USH2A: variants seen among roughly 807,000 people sequenced by gnomAD.
The protein encoded by USH2A is usherin.
A neutral mutation model predicts 538.9 loss-of-function variants in USH2A; 443 were observed. The observed-to-expected ratio is 0.82, with a 90% CI of 0.76 to 0.89. USH2A has a LOEUF of 0.89. USH2A is among the 40% of genes least tolerant of loss of function. USH2A has a pLI of 0.00. For missense variants in USH2A, 6,633 were observed against 6,324.8 expected, an observed-to-expected ratio of 1.05 and a Z score of -1.65; for synonymous variants, 2,413 against 2,273.5, an observed-to-expected ratio of 1.06 and a Z score of -1.75.
intron 4 of USH2A, among the ~76,000 whole-genome samples, chr1:216,343,959 G>A (rs553978633): frequency 8.8e-4 from 133 of 151,542 alleles, no homozygotes; most frequent in Non-Finnish European, 1.2e-3. Flanking sequence ...TGCTCTACAC[G>A]GAGTAGCCAT....
At chr1:215,925,666 T>C (rs1666221951) in intron 38 of USH2A, among the ~76,000 whole-genome samples, 1 of 152,090 alleles carries the variant, frequency 6.6e-6, no homozygotes. Context: ...GAATATACCA[T>C]CTTAGCCTAT....
chr1:216,118,316 C>A (rs959397711), intron 21 of USH2A, among the ~76,000 whole-genome samples: 10 of 152,242 alleles, frequency 6.6e-5, no homozygotes, highest in South Asian at 4.1e-4. Flanking sequence ...TATTTTAGCA[C>A]TATTTTTACC....
At chr1:216,118,706 G>T (rs959920609) in intron 21 of USH2A, among the ~76,000 whole-genome samples, 1 of 152,216 alleles carries the variant, frequency 6.6e-6, no homozygotes, top group South Asian at 2.1e-4. Context: ...ACTTTCCCAA[G>T]ATCTAGGCTC....
chr1:215,655,846 C>T (rs1229330512), intron 64 of USH2A, among the ~76,000 whole-genome samples: 1 of 151,496 alleles, frequency 6.6e-6, no homozygotes, highest in African/African-American at 2.4e-5. Flanking sequence ...AGTGATTCCC[C>T]TGCCTTAGCC....
At chr1:216,006,680 T>C (rs1668400140) in intron 32 of USH2A, among the ~76,000 whole-genome samples, 1 of 152,192 alleles carries the variant, frequency 6.6e-6, no homozygotes, top group Non-Finnish European at 1.5e-5. Flanking sequence ...TGATTTGTTT[T>C]TCCTTCTTCT....
intron 21 of USH2A, among the ~76,000 whole-genome samples, chr1:216,131,248 A>T (rs301735): frequency 0.74 from 112,957 of 151,740 alleles, 42,488 homozygotes; most frequent in Non-Finnish European, 0.8. Context: ...ATTTTATCCC[A>T]CTCTGTGGGT....
chr1:215,672,719 C>T (rs1268460355), intron 63 of USH2A, among the ~76,000 whole-genome samples: 2 of 152,094 alleles, frequency 1.3e-5, no homozygotes, highest in African/African-American at 4.8e-5. Context: ...AACATTAATC[C>T]ACTAAAAACA....
chr1:215,855,570 C>A (rs1273764908), intron 44 of USH2A, among the ~76,000 whole-genome samples: 1 of 152,060 alleles, frequency 6.6e-6, no homozygotes, highest in Non-Finnish European at 1.5e-5. Context: ...GATCATACTG[C>A]CAAAAGCAAT....
chr1:216,296,180 C>T (rs897189881), intron 9 of USH2A, among the ~76,000 whole-genome samples: 1 of 152,146 alleles, frequency 6.6e-6, no homozygotes, highest in East Asian at 1.9e-4. Flanking sequence ...CATTAGGTCA[C>T]ACTGTTTATA....
At chr1:215,967,088 G>T (rs1667364644) in intron 36 of USH2A, among the ~76,000 whole-genome samples, 1 of 152,164 alleles carries the variant, frequency 6.6e-6, no homozygotes, top group African/African-American at 2.4e-5. Context: ...GCTTGGCTTT[G>T]GCCTGGGAAC....
At chr1:215,693,731 G>A (rs1346303945) in intron 61 of USH2A, among the ~76,000 whole-genome samples, 2 of 152,172 alleles carry the variant, frequency 1.3e-5, no homozygotes, top group Non-Finnish European at 2.9e-5. Flanking sequence ...ACATCATGGA[G>A]CCTCTGGAAA....
intron 40 of USH2A, among the ~76,000 whole-genome samples, chr1:215,895,335 C>T (rs138765405): frequency 2.6e-5 from 4 of 152,180 alleles, no homozygotes; most frequent in African/African-American, 7.2e-5. Flanking sequence ...GGTCTTGAGA[C>T]GTTACAATTC....
At chr1:215,988,513 T>A (rs974946602) in intron 35 of USH2A, among the ~76,000 whole-genome samples, 1 of 152,198 alleles carries the variant, frequency 6.6e-6, no homozygotes, top group Non-Finnish European at 1.5e-5. Context: ...TTCTTTTGGA[T>A]ATATTTCAAG....
intron 47 of USH2A, among the ~76,000 whole-genome samples, chr1:215,834,645 C>T (rs1368176887): frequency 2.0e-5 from 3 of 152,126 alleles, no homozygotes; most frequent in African/African-American, 7.2e-5. Flanking sequence ...GCTTTTTAAA[C>T]ATGGTACTCT....
rs769073555 is a variant in USH2A, at chr1:215,728,093, G to T, written c.12003C>A (p.Val4001=). ...PNGIISHYRV[V]YQERPDDPTF... ...TAGGATCGTCGGGTCTCTCCTGGTA[G>T]ACCACACGGTAATGGGAGATAATGC... Residue 4001 remains valine (V), a synonymous_variant, in exon 61 of 72, where the codon GTC becomes GTA. Transcript: ENST00000307340. The T allele has an allele frequency of 9.3e-6, 15 of 1,614,070 alleles. No homozygotes were observed. The highest frequency in any genetic ancestry group is 1.2e-5 in the Non-Finnish European group (14 of 1,180,060).
intron 40 of USH2A, among the ~76,000 whole-genome samples, chr1:215,895,113 A>G (rs985501376): frequency 6.6e-6 from 1 of 152,164 alleles, no homozygotes; most frequent in African/African-American, 2.4e-5. Context: ...GAAAAACAGT[A>G]TCATATCCAT....
chr1:216,078,411 A>C, intron 26 of USH2A, 49 bp from the exon 27 acceptor site: 1 of 1,576,962 alleles, frequency 6.3e-7, no homozygotes. Flanking sequence ...AGGCTGCAGA[A>C]GGGCAGTTTG....
intron 41 of USH2A, among the ~76,000 whole-genome samples, chr1:215,880,577 G>T (rs1319197426): frequency 6.6e-6 from 1 of 152,152 alleles, no homozygotes; most frequent in Admixed American, 6.5e-5. Context: ...AACTAGCAAA[G>T]GTTGTAGCAC....
At chr1:215,948,795 A>G (rs1666823068) in intron 37 of USH2A, among the ~76,000 whole-genome samples, 1 of 152,100 alleles carries the variant, frequency 6.6e-6, no homozygotes, top group Non-Finnish European at 1.5e-5. Context: ...GAATATTTGA[A>G]ACATCTTATA....
Sources: gnomAD v4.1 joint callset for allele counts (sites outside exome capture counted in the v4.1 genomes callset) on GRCh38, gnomAD v4.1.1 for gene constraint, MANE v1.5 for transcripts, NCBI Gene and HGNC (gene_info 2026-07-23, HGNC 2026-07-21) for gene names.